Variants in RALYL observed in about 807,000 individuals in gnomAD.
RALYL encodes the protein RNA-binding Raly-like protein.
Under a neutral mutation model 35.1 loss-of-function variants are expected in RALYL, and 29 were observed. The observed-to-expected ratio is 0.83, with a 90% CI of 0.61 to 1.13. The LOEUF is 1.13. RALYL is among the 50% of genes most tolerant of loss of function. RALYL has a pLI of 0.00. For synonymous variants in RALYL, 120 were observed against 127.6 expected (o/e 0.94, Z 0.40); for missense variants, 359 against 360.4 (o/e 1.00, Z 0.03).
At chr8:84,299,233 T>A (rs2132334949) in intron 1 of RALYL, among the ~76,000 whole-genome samples, 1 of 152,136 alleles carries the variant, frequency 6.6e-6, no homozygotes, top group East Asian at 1.9e-4. Context: ...GACCATGAGG[T>A]TTTTGGTTTT....
intron 3 of RALYL, among the ~76,000 whole-genome samples, chr8:84,791,390 G>T (rs1461707425): frequency 6.6e-6 from 1 of 152,160 alleles, no homozygotes. Context: ...GAGGAAATGA[G>T]AGGAATAATG....
chr8:84,792,772 A>C (rs1821100872), intron 3 of RALYL, among the ~76,000 whole-genome samples: 1 of 152,160 alleles, frequency 6.6e-6, no homozygotes. Context: ...GTAGTCTCAA[A>C]GCAGTTAGAG....
At chr8:84,416,910 G>T (rs916379118) in intron 1 of RALYL, among the ~76,000 whole-genome samples, 5 of 152,178 alleles carry the variant, frequency 3.3e-5, no homozygotes, top group African/African-American at 1.2e-4. Context: ...CTTACTTTTT[G>T]TTTTGTATAA....
intron 1 of RALYL, among the ~76,000 whole-genome samples, chr8:84,467,094 C>G (rs1033002590): frequency 3.3e-5 from 5 of 151,984 alleles, no homozygotes; most frequent in African/African-American, 1.2e-4. Flanking sequence ...AAAAAACCAG[C>G]TCCTGGATTC....
chr8:84,401,153 C>A (rs542833069), intron 1 of RALYL, among the ~76,000 whole-genome samples: 1 of 152,090 alleles, frequency 6.6e-6, no homozygotes, highest in Non-Finnish European at 1.5e-5. Context: ...AATTCAGCAG[C>A]TCAACAGTCA....
intron 2 of RALYL, among the ~76,000 whole-genome samples, chr8:84,682,895 G>C (rs1588981807): frequency 4.6e-5 from 7 of 151,896 alleles, no homozygotes; most frequent in Admixed American, 3.9e-4. Flanking sequence ...TTTTGAATGT[G>C]TTTGCTCTTG....
chr8:84,255,008 A>G (rs889166810), intron 1 of RALYL, among the ~76,000 whole-genome samples: 1 of 152,050 alleles, frequency 6.6e-6, no homozygotes, highest in Admixed American at 6.6e-5. Context: ...CTCCCTTGAC[A>G]TCTGGGCATT....
chr8:84,267,699 A>G (rs1166436600), intron 1 of RALYL, among the ~76,000 whole-genome samples: 2 of 152,234 alleles, frequency 1.3e-5, no homozygotes, highest in Admixed American at 6.5e-5. Context: ...TACAGCCAAA[A>G]AAACAAACTG....
intron 1 of RALYL, among the ~76,000 whole-genome samples, chr8:84,243,692 T>A (rs1345262255): frequency 1.3e-5 from 2 of 152,136 alleles, no homozygotes; most frequent in Non-Finnish European, 2.9e-5. Flanking sequence ...TTATTCATGT[T>A]TTAATTTGCA....
At chr8:84,557,461 A>G (rs1022448842) in intron 2 of RALYL, among the ~76,000 whole-genome samples, 1 of 152,340 alleles carries the variant, frequency 6.6e-6, no homozygotes, top group East Asian at 1.9e-4. Flanking sequence ...GAATTAAATG[A>G]CTATTGTGAC....
At chr8:84,328,369 G>A (rs139220485) in intron 1 of RALYL, among the ~76,000 whole-genome samples, 20 of 152,206 alleles carry the variant, frequency 1.3e-4, no homozygotes, top group South Asian at 4.2e-4. Flanking sequence ...CACAATAAGC[G>A]TCATTCATTA....
At chr8:84,350,987 C>A (rs1031434753) in intron 1 of RALYL, among the ~76,000 whole-genome samples, 1 of 149,526 alleles carries the variant, frequency 6.7e-6, no homozygotes, top group East Asian at 1.9e-4. Flanking sequence ...AGGGGGTGAG[C>A]GGATTGTGGC....
intron 2 of RALYL, among the ~76,000 whole-genome samples, chr8:84,683,180 A>C (rs1038521708): frequency 2.0e-5 from 3 of 152,216 alleles, no homozygotes; most frequent in Admixed American, 2.0e-4. Context: ...CCTGAGTTCT[A>C]GTTTGATTGC....
chr8:84,648,116 G>A (rs1052752568), intron 2 of RALYL, among the ~76,000 whole-genome samples: 8 of 151,898 alleles, frequency 5.3e-5, no homozygotes, highest in Non-Finnish European at 1.0e-4. Context: ...GCGCACATGC[G>A]TGCACACACA....
At chr8:84,397,675 A>G (rs2042480061) in intron 1 of RALYL, among the ~76,000 whole-genome samples, 1 of 152,234 alleles carries the variant, frequency 6.6e-6, no homozygotes, top group Non-Finnish European at 1.5e-5. Context: ...AAATGACTTA[A>G]GAATAAGACA....
At chr8:84,227,117 A>G (rs1421152637) in intron 1 of RALYL, among the ~76,000 whole-genome samples, 1 of 126,508 alleles carries the variant, frequency 7.9e-6, no homozygotes, top group Non-Finnish European at 1.6e-5. Flanking sequence ...CTGGAGTGCA[A>G]TGGCATGATT....
intron 1 of RALYL, among the ~76,000 whole-genome samples, chr8:84,193,911 C>T (rs1464876677): frequency 6.6e-6 from 1 of 152,022 alleles, no homozygotes; most frequent in Non-Finnish European, 1.5e-5. Context: ...ATAAATAAAT[C>T]TGGGCTGAGA....
intron 2 of RALYL, among the ~76,000 whole-genome samples, chr8:84,620,360 A>T (rs2131053317): frequency 6.6e-6 from 1 of 151,994 alleles, no homozygotes; most frequent in East Asian, 1.9e-4. Context: ...TCCATTGCTG[A>T]TACCCTTTCT....
intron 2 of RALYL, among the ~76,000 whole-genome samples, chr8:84,532,170 T>G (rs1385108900): frequency 7.2e-5 from 11 of 152,076 alleles, no homozygotes; most frequent in Admixed American, 7.2e-4. Context: ...ACATTAAAAT[T>G]TATCTAACAA....
Sources: allele counts gnomAD v4.1 joint callset (sites outside exome capture counted in the v4.1 genomes callset), GRCh38; gene constraint gnomAD v4.1.1; transcripts MANE v1.5; gene names NCBI Gene and HGNC (gene_info 2026-07-23, HGNC 2026-07-21).